SYNPO2: variants seen among roughly 807,000 people sequenced by gnomAD.
The protein encoded by SYNPO2 is synaptopodin-2.
In SYNPO2, 56 loss-of-function variants were observed where a neutral mutation model predicts 85.0. The observed-to-expected ratio is 0.66, with a 90% CI of 0.53 to 0.82. The LOEUF is 0.82. Among genes scored for constraint, SYNPO2 ranks in the 40% least tolerant of loss-of-function variants. The pLI is 0.00. For synonymous variants in SYNPO2, 602 were observed against 591.1 expected (o/e 1.02, Z -0.27); for missense variants, 1,575 against 1,534.2 (o/e 1.03, Z -0.44).
In SYNPO2 at chr4:119,057,658, A is replaced by G. The variant is rs1416677446; in HGVS notation, c.3510A>G (p.Pro1170=). The G allele has an allele frequency of 6.2e-7, 1 of 1,614,064 alleles. No individual in the cohort carries two copies. Among genetic ancestry groups the G allele is most frequent in the Non-Finnish European group, 8.5e-7 (1 of 1,180,032 alleles). The change falls in exon 5 of 5, where the codon CCA becomes CCG. Residue 1170 remains proline (P), a synonymous_variant. Coordinates refer to ENST00000307142, the MANE Select transcript of SYNPO2 (RefSeq NM_133477.3). ...CAGCAGCTCGGAGGAAGGTGCTTCCAGGGCCTCCAGAGGATTGGAATGAAA... is the reference window on the plus strand; with the variant it reads ...CAGCAGCTCGGAGGAAGGTGCTTCCGGGGCCTCCAGAGGATTGGAATGAAA... ...VVSAARRKVL[P]GPPEDWNERL...
At chr4:118,954,995 ATTTTTTTTTTTT>A (rs143188478) in intron 1 of SYNPO2, among the ~76,000 whole-genome samples, 1 of 131,024 alleles carries the variant, frequency 7.6e-6, no homozygotes, top group African/African-American at 2.9e-5. Context: ...ATTCTGTGCA[ATTTTTTTTTTTT>A]TTTTTTTTTT....
chr4:118,898,208 A>C (rs1358166362), intron 1 of SYNPO2, among the ~76,000 whole-genome samples: 1 of 152,112 alleles, frequency 6.6e-6, no homozygotes, highest in Non-Finnish European at 1.5e-5. Context: ...AATTATTAAG[A>C]GGTTATAAAT....
intron 1 of SYNPO2, among the ~76,000 whole-genome samples, chr4:118,859,007 A>G (rs1313886197): frequency 6.6e-6 from 1 of 152,206 alleles, no homozygotes; most frequent in Non-Finnish European, 1.5e-5. Flanking sequence ...TTGGCTTTCA[A>G]TGAAATCTTA....
intron 1 of SYNPO2, among the ~76,000 whole-genome samples, chr4:118,870,785 C>T (rs1312134924): frequency 6.6e-6 from 1 of 152,172 alleles, no homozygotes; most frequent in African/African-American, 2.4e-5. Flanking sequence ...CTAATGCATG[C>T]AGGTCTTAAT....
intron 1 of SYNPO2, among the ~76,000 whole-genome samples, chr4:118,915,659 T>G (rs1347237140): frequency 1.3e-5 from 2 of 152,162 alleles, no homozygotes; most frequent in African/African-American, 4.8e-5. Flanking sequence ...ATGTTTCCTC[T>G]TGTACATGGG....
Position 119,059,589 on chromosome 4 carries a change from T to C in SYNPO2, c.*1655T>C, listed in dbSNP as rs1256307082. On this transcript the variant is annotated 3_prime_UTR_variant, in exon 5 of 5. Coordinates refer to ENST00000307142, the MANE Select transcript of SYNPO2 (RefSeq NM_133477.3). ...AAAAACCATCTTAAGTATTCAAAAT[T>C]TCCTTGGTTTTTTAAAGGTGATAAT... The C allele has an allele frequency of 6.6e-6, 1 of 152,158 alleles. No individual in the cohort carries two copies. The highest frequency in any genetic ancestry group is 2.4e-5 in the African/African-American group (1 of 41,440). The allele number at this position is 152,158 out of a possible 1,614,324, so 9.4% of individuals were successfully genotyped here.
chr4:119,010,864 C>T (rs1317050806), intron 1 of SYNPO2, among the ~76,000 whole-genome samples: 2 of 152,184 alleles, frequency 1.3e-5, no homozygotes, highest in African/African-American at 4.8e-5. Flanking sequence ...TAAGCTACAA[C>T]TCCATTTCCT....
At chr4:118,977,227 G>A (rs1029791812) in intron 1 of SYNPO2, among the ~76,000 whole-genome samples, 1 of 152,212 alleles carries the variant, frequency 6.6e-6, no homozygotes, top group South Asian at 2.1e-4. Context: ...GGGAGAAATC[G>A]AGCGCAGCGC....
intron 1 of SYNPO2, among the ~76,000 whole-genome samples, chr4:118,905,038 C>T (rs956519240): frequency 2.3e-4 from 35 of 152,156 alleles, no homozygotes; most frequent in African/African-American, 8.0e-4. Flanking sequence ...AATTTTATCT[C>T]AGTGCAGAGC....
At chr4:118,977,319 C>T (rs1054314221) in intron 1 of SYNPO2, among the ~76,000 whole-genome samples, 8 of 152,346 alleles carry the variant, frequency 5.3e-5, no homozygotes, top group African/African-American at 7.2e-5. Context: ...TGCCCGAGGC[C>T]GCAGGGCTGG....
At chr4:119,049,162 A>G (rs1438761098) in intron 4 of SYNPO2, among the ~76,000 whole-genome samples, 1 of 152,198 alleles carries the variant, frequency 6.6e-6, no homozygotes, top group Non-Finnish European at 1.5e-5. Flanking sequence ...GAGAGCAGTC[A>G]ACACTGATTC....
chr4:118,928,721 A>AATCAAAATGGTTAAACCTAGTT (rs1733821129), intron 1 of SYNPO2, among the ~76,000 whole-genome samples: 1 of 152,212 alleles, frequency 6.6e-6, no homozygotes. Flanking sequence ...TATTAGAGTG[A>AATCAAAATGGTTAAACCTAGTT]ATCAAAATGG....
chr4:118,879,505 G>A (rs1452360707), intron 1 of SYNPO2, among the ~76,000 whole-genome samples: 1 of 152,204 alleles, frequency 6.6e-6, no homozygotes, highest in East Asian at 1.9e-4. Flanking sequence ...TTCTCTATGT[G>A]AGGACACAAT....
chr4:118,945,902 C>A (rs1230508013), intron 1 of SYNPO2, among the ~76,000 whole-genome samples: 1 of 152,072 alleles, frequency 6.6e-6, no homozygotes, highest in Admixed American at 6.5e-5. Flanking sequence ...CGCACCACCA[C>A]ACCTGGCTAA....
At chr4:118,905,430 A>ATGTG (rs1358733968) in intron 1 of SYNPO2, among the ~76,000 whole-genome samples, 24 of 116,562 alleles carry the variant, frequency 2.1e-4, no homozygotes, top group African/African-American at 6.1e-4. Context: ...GTGGTACCTG[A>ATGTG]TGTGTGTGTG....
Position 119,011,920 on chromosome 4 carries a change from C to CTTT in SYNPO2, c.106-11492_106-11490dup, listed in dbSNP as rs548974684. On this transcript the variant is annotated intron_variant, in intron 1 of 4. Transcript: ENST00000307142. ...CTCCCCTTCCTCTCCTTTCTATAGACTTTTTTTTTTTTTTTTTTTTGAGAT... is the reference window on the plus strand; with the variant it reads ...CTCCCCTTCCTCTCCTTTCTATAGACTTTTTTTTTTTTTTTTTTTTTTTGAGAT... Among the ~76,000 whole-genome samples the CTTT allele has an allele frequency of 3.9e-3, 431 of 109,600 alleles. 18 individuals are homozygous for CTTT. The highest frequency in any genetic ancestry group is 7.2e-3 in the African/African-American group (206 of 28,472). The allele number at this position is 109,600 out of a possible 152,430, so 71.9% of individuals were successfully genotyped here.
At chr4:118,901,707 A>G (rs1378920351) in intron 1 of SYNPO2, among the ~76,000 whole-genome samples, 1 of 152,184 alleles carries the variant, frequency 6.6e-6, no homozygotes, top group East Asian at 1.9e-4. Flanking sequence ...TATATTGCAA[A>G]ATACTGAAAG....
At chr4:118,997,683 C>T (rs1477064981) in intron 1 of SYNPO2, among the ~76,000 whole-genome samples, 2 of 152,184 alleles carry the variant, frequency 1.3e-5, no homozygotes, top group Non-Finnish European at 2.9e-5. Flanking sequence ...GTTACTTGCA[C>T]CAGGCAGAGC....
chr4:119,023,600 A>C lies in SYNPO2; in HGVS notation c.257+19A>C. 1 of 1,603,972 alleles carries C rather than the reference A, an allele frequency of 6.2e-7. No homozygotes were observed. Among genetic ancestry groups the C allele is most frequent in the South Asian group, 1.1e-5 (1 of 89,208 alleles). ...TCAAAAGGTACAACAGATTTGCTGG[A>C]ATATGTATTTTCTCTTGAAGCTACA... On this transcript the variant is annotated intron_variant, in intron 2 of 4. Transcript: ENST00000307142.
Sources: allele counts gnomAD v4.1 joint callset (sites outside exome capture counted in the v4.1 genomes callset), GRCh38; gene constraint gnomAD v4.1.1; transcripts MANE v1.5; gene names NCBI Gene and HGNC (gene_info 2026-07-23, HGNC 2026-07-21).